Variants in ARMH3 observed in about 807,000 individuals in gnomAD.
The protein encoded by ARMH3 is armadillo like helical domain containing 3.
In ARMH3, 60 loss-of-function variants were observed where a neutral mutation model predicts 99.1. The ratio of observed to expected loss-of-function variants is 0.61; its 90% CI spans 0.49 to 0.75. The LOEUF (loss-of-function observed/expected upper bound fraction) is 0.75, where lower values mean the gene tolerates loss of function less well. ARMH3 is among the 30% of genes least tolerant of loss of function. ARMH3 has a pLI of 0.00. For missense variants in ARMH3, 679 were observed against 843.1 expected (o/e 0.81, Z 2.41); for synonymous variants, 285 against 292.8 (o/e 0.97, Z 0.27).
rs3923521 is a variant in ARMH3, at chr10:101,970,972, C to G, written c.1495+4240G>C. Among the ~76,000 whole-genome samples, 1,392 of 151,462 alleles carry G rather than the reference C, an allele frequency of 9.2e-3. 18 individuals carry two copies. Among genetic ancestry groups the G allele is most frequent in the African/African-American group, 0.032 (1,323 of 41,254 alleles). On this transcript the variant is annotated intron_variant, in intron 20 of 25. Coordinates refer to ENST00000370033, the MANE Select transcript of ARMH3 (RefSeq NM_024541.3). ...TTAGCTGGGGCATGGTGGCTTGCAT[C>G]TATGGTCCCACCTGCTCAGGAGGCT...
chr10:101,909,463 CTTTTTTT>C (rs61122631), intron 23 of ARMH3, among the ~76,000 whole-genome samples: 6 of 71,730 alleles, frequency 8.4e-5, no homozygotes, highest in African/African-American at 2.9e-4. Flanking sequence ...CAAGCTTCCT[CTTTTTTT>C]TTTTTTTTTT....
chr10:101,855,589 A>G lies in ARMH3; in HGVS notation c.1861-5697T>C, dbSNP rs2066719141. On this transcript the variant is annotated intron_variant, in intron 24 of 25. Coordinates refer to ENST00000370033, the MANE Select transcript of ARMH3 (RefSeq NM_024541.3). The stretch of plus-strand genomic sequence containing the variant: ...GAGACAAGATCTCACTCTGTCACCC[A>G]GGGTGGGGTACAGTGGCATAATCAC... Among the ~76,000 whole-genome samples, 6 of 151,116 alleles carry G rather than the reference A, an allele frequency of 4.0e-5. No homozygotes were observed. The South Asian group carries it at 1.3e-3, about 32-fold the overall frequency.
chr10:101,849,937 C>T, intron 24 of ARMH3, 45 bp from the exon 25 acceptor site: 2 of 1,559,968 alleles, frequency 1.3e-6, no homozygotes, highest in Non-Finnish European at 8.8e-7. Context: ...CATGCAAATC[C>T]CACAACCCTG....
chr10:101,886,301 G>A lies in ARMH3; in HGVS notation c.1860+3111C>T, dbSNP rs117513037. On this transcript the variant is annotated intron_variant, in intron 24 of 25. Coordinates refer to ENST00000370033, the MANE Select transcript of ARMH3 (RefSeq NM_024541.3). ...GGCTAAAGCAGGTGGCTCATTTGAGGTCAGGAGTTCAAGACCAACCTGGCA... is the reference window on the plus strand; with the variant it reads ...GGCTAAAGCAGGTGGCTCATTTGAGATCAGGAGTTCAAGACCAACCTGGCA... Among the ~76,000 whole-genome samples the A allele has an allele frequency of 9.5e-4, 144 of 151,950 alleles. 1 individual carries two copies. Among genetic ancestry groups the A allele is most frequent in the Non-Finnish European group, 1.9e-3 (128 of 67,940 alleles).
At chr10:102,038,385 C>T (rs1018908712) in intron 2 of ARMH3, among the ~76,000 whole-genome samples, 9 of 152,134 alleles carry the variant, frequency 5.9e-5, no homozygotes, top group African/African-American at 2.2e-4. Context: ...TGAGCCACCA[C>T]GCCCAGCCAA....
chr10:102,010,534 A>G (rs550122773), intron 11 of ARMH3, among the ~76,000 whole-genome samples: 25 of 152,354 alleles, frequency 1.6e-4, no homozygotes, highest in African/African-American at 6.0e-4. Context: ...CATTTTTCAG[A>G]TAACAAAATC....
chr10:102,033,790 T>C (rs2067189622), intron 2 of ARMH3, among the ~76,000 whole-genome samples: 1 of 152,234 alleles, frequency 6.6e-6, no homozygotes, highest in Non-Finnish European at 1.5e-5. Context: ...AGAACACTTA[T>C]CTCTTTGTGT....
chr10:101,874,936 C>A (rs2067224596), intron 24 of ARMH3, among the ~76,000 whole-genome samples: 1 of 152,080 alleles, frequency 6.6e-6, no homozygotes, highest in Non-Finnish European at 1.5e-5. Context: ...TGCACACAGG[C>A]AAAGGTCTAA....
At chr10:101,934,620 C>T (rs945679087) in intron 23 of ARMH3, among the ~76,000 whole-genome samples, 1 of 152,126 alleles carries the variant, frequency 6.6e-6, no homozygotes, top group African/African-American at 2.4e-5. Context: ...CAGTGTGATT[C>T]AGTCACTATT....
chr10:101,853,222 T>C (rs1303471933), intron 24 of ARMH3, among the ~76,000 whole-genome samples: 1 of 152,044 alleles, frequency 6.6e-6, no homozygotes, highest in African/African-American at 2.4e-5. Flanking sequence ...GCTTACTTCC[T>C]TTCTTCCTCT....
At chr10:101,908,501 T>A (rs1287195654) in intron 23 of ARMH3, among the ~76,000 whole-genome samples, 1 of 152,170 alleles carries the variant, frequency 6.6e-6, no homozygotes, top group Non-Finnish European at 1.5e-5. Context: ...TACATGCCAG[T>A]AATACATCCT....
intron 20 of ARMH3, among the ~76,000 whole-genome samples, chr10:101,966,194 C>T (rs1448925981): frequency 6.7e-6 from 1 of 150,042 alleles, no homozygotes; most frequent in Admixed American, 6.6e-5. Flanking sequence ...CAACCTCCAC[C>T]TCCCGGGTTC....
chr10:102,019,943 A>G (rs1348040138), intron 8 of ARMH3, among the ~76,000 whole-genome samples: 1 of 144,696 alleles, frequency 6.9e-6, no homozygotes, highest in Non-Finnish European at 1.5e-5. Flanking sequence ...AAAAAAAAAA[A>G]GCTTATAGAA....
intron 19 of ARMH3, among the ~76,000 whole-genome samples, chr10:101,981,881 C>T (rs1225962966): frequency 1.3e-5 from 2 of 151,456 alleles, no homozygotes; most frequent in Non-Finnish European, 2.9e-5. Context: ...TAGCTGGGCG[C>T]GGTGGTGGGT....
chr10:101,885,344 A>C (rs1220135503), intron 24 of ARMH3, among the ~76,000 whole-genome samples: 1 of 152,254 alleles, frequency 6.6e-6, no homozygotes, highest in Non-Finnish European at 1.5e-5. Context: ...CAATGTTCAA[A>C]AGCAACATTA....
rs529692529 is a variant in ARMH3, at chr10:101,984,266, C to T, written c.1406+6285G>A. On this transcript the variant is annotated intron_variant, in intron 19 of 25. Transcript: ENST00000370033. ...ATCCTAATTGTTTCCAAATAATTTGCTGATTTTTAGAAATTGTGATGTGAT... is the reference window on the plus strand; with the variant it reads ...ATCCTAATTGTTTCCAAATAATTTGTTGATTTTTAGAAATTGTGATGTGAT... Among the ~76,000 whole-genome samples the T allele has an allele frequency of 6.6e-5, 10 of 152,256 alleles. No individual in the cohort carries two copies. The East Asian group carries it at 1.9e-3, about 29-fold the overall frequency.
chr10:102,056,055 A>ACCGGG (rs887602044), intron 1 of ARMH3, 30 bp downstream of exon 1: 4 of 152,230 alleles, frequency 2.6e-5, no homozygotes, highest in Admixed American at 6.5e-5. Flanking sequence ...AGGTTCGAGG[A>ACCGGG]CCGGGCCGGG....
chr10:101,986,045 T>TAC (rs753720468), intron 19 of ARMH3, among the ~76,000 whole-genome samples: 40 of 151,222 alleles, frequency 2.6e-4, no homozygotes, highest in South Asian at 6.3e-4. Context: ...TGAAATAAAA[T>TAC]ACACACACAC....
chr10:101,922,440 C>T (rs1423803867), intron 23 of ARMH3, among the ~76,000 whole-genome samples: 1 of 152,016 alleles, frequency 6.6e-6, no homozygotes, highest in African/African-American at 2.4e-5. Context: ...TTAGTAGAAA[C>T]AAGGTCTTGC....
Sources: allele counts gnomAD v4.1 joint callset (sites outside exome capture counted in the v4.1 genomes callset), GRCh38; gene constraint gnomAD v4.1.1; transcripts MANE v1.5; gene names NCBI Gene and HGNC (gene_info 2026-07-23, HGNC 2026-07-21).